The following DNAJC13 variants were observed in gnomAD, a reference collection of about 807,000 sequenced individuals.
The protein encoded by DNAJC13 is DnaJ heat shock protein family (Hsp40) member C13, also known as dnaJ homolog subfamily C member 13.
Under a neutral mutation model 290.5 loss-of-function variants are expected in DNAJC13, and 75 were observed. The observed-to-expected ratio is 0.26, with a 90% CI of 0.21 to 0.31. DNAJC13 has a LOEUF of 0.31. Among genes scored for constraint, DNAJC13 ranks in the 10% least tolerant of loss-of-function variants. DNAJC13 has a pLI of 1.00. For missense variants in DNAJC13, 2,260 were observed against 2,674.5 expected, an observed-to-expected ratio of 0.85 and a Z score of 3.42; for synonymous variants, 862 against 892.0, an observed-to-expected ratio of 0.97 and a Z score of 0.60.
At chr3:132,448,465 G>GCCTTTCCAGC (rs1293143151) in intron 5 of DNAJC13, among the ~76,000 whole-genome samples, 2 of 152,076 alleles carry the variant, frequency 1.3e-5, no homozygotes, top group Non-Finnish European at 2.9e-5. Context: ...ACTTTCCCAG[G>GCCTTTCCAGC]CCTTTTCCAG....
At chr3:132,436,033 T>G (rs776469177) in intron 2 of DNAJC13, among the ~76,000 whole-genome samples, 1 of 152,208 alleles carries the variant, frequency 6.6e-6, no homozygotes, top group African/African-American at 2.4e-5. Flanking sequence ...GTTTTGTTTT[T>G]ATAACAGCTT....
intron 9 of DNAJC13, among the ~76,000 whole-genome samples, chr3:132,454,526 G>T (rs1933528005): frequency 6.6e-6 from 1 of 151,664 alleles, no homozygotes; most frequent in South Asian, 2.1e-4. Flanking sequence ...TTTTAGTAGA[G>T]ATGGGGTTTC....
At chr3:132,444,373 C>A (rs1359330796) in intron 2 of DNAJC13, among the ~76,000 whole-genome samples, 1 of 152,150 alleles carries the variant, frequency 6.6e-6, no homozygotes, top group African/African-American at 2.4e-5. Context: ...ATATTGTCAT[C>A]TCAAAGTTCT....
intron 5 of DNAJC13, 71 bp downstream of exon 5, chr3:132,448,010 T>A (rs866692930): frequency 7.1e-5 from 78 of 1,092,280 alleles, no homozygotes; most frequent in Admixed American, 5.1e-4. Context: ...AATCATTTCA[T>A]AATCTGTGTG....
intron 1 of DNAJC13, among the ~76,000 whole-genome samples, chr3:132,430,632 A>G (rs1939215863): frequency 6.6e-6 from 1 of 152,180 alleles, no homozygotes; most frequent in South Asian, 2.1e-4. Context: ...ATTCTTCAGT[A>G]TCAGCCATTC....
In DNAJC13 at chr3:132,528,343, A is replaced by C. The variant is rs374045137; in HGVS notation, c.6525+11A>C. ...CAGTATGGAGAACAGGTGAGTCTGC[A>C]TAGAGTCAACTTTTGATATTCTAAA... On this transcript the variant is annotated intron_variant, in intron 54 of 55. Coordinates refer to ENST00000260818, the MANE Select transcript of DNAJC13 (RefSeq NM_015268.4). 70 of 1,613,574 alleles carry C rather than the reference A, an allele frequency of 4.3e-5. No individual in the cohort carries two copies. Among genetic ancestry groups the C allele is most frequent in the Non-Finnish European group, 5.7e-5 (67 of 1,179,754 alleles).
At chr3:132,449,022 C>T (rs1933340937) in intron 5 of DNAJC13, among the ~76,000 whole-genome samples, 4 of 152,078 alleles carry the variant, frequency 2.6e-5, no homozygotes, top group Admixed American at 2.0e-4. Context: ...TTAACTTCAG[C>T]CATTTAATAC....
Position 132,483,501 on chromosome 3 carries a change from G to A in DNAJC13, c.3106G>A (p.Ala1036Thr), listed in dbSNP as rs1934750338. The A allele has an allele frequency of 6.2e-7, 1 of 1,614,012 alleles. No individual in the cohort carries two copies. The stretch of plus-strand genomic sequence containing the variant: ...GTGGTGTCTCTTAGCCAGTGGACAG[G>A]CTGTCCTGAATGAAACTGACCTTGC... Reference protein sequence around the residue: ...LKWCLLASGQAVLNETDLATL... With the variant: ...LKWCLLASGQTVLNETDLATL... The change falls in exon 28 of 56, where the codon GCT (alanine) becomes ACT (threonine). Residue 1036 changes from alanine to threonine, a missense_variant. Coordinates refer to ENST00000260818, the MANE Select transcript of DNAJC13 (RefSeq NM_015268.4).
chr3:132,477,828 G>A lies in DNAJC13; in HGVS notation c.2485G>A (p.Asp829Asn), dbSNP rs540755282. 5 of 1,613,044 alleles carry A rather than the reference G, an allele frequency of 3.1e-6. No individual in the cohort carries two copies. The South Asian group carries it at 4.4e-5, about 14-fold the overall frequency. Residue 829 changes from aspartate (D) to asparagine (N), a missense_variant, in exon 23 of 56, where the codon GAC becomes AAC. Transcript: ENST00000260818. ...CCTGGCAGAGGAAATTAAAATAGGA[G>A]ACTATTACCTGAGATTACTATTGGA... ...ECLAEEIKIG[D>N]YYLRLLLEED...
chr3:132,480,091 G>A (rs1354168407), intron 25 of DNAJC13, among the ~76,000 whole-genome samples: 1 of 152,080 alleles, frequency 6.6e-6, no homozygotes, highest in Non-Finnish European at 1.5e-5. Context: ...AAAACCAGAG[G>A]TTGTTTTTTC....
intron 42 of DNAJC13, among the ~76,000 whole-genome samples, chr3:132,505,790 A>G (rs572551278): frequency 9.7e-4 from 146 of 150,678 alleles, no homozygotes; most frequent in African/African-American, 3.4e-3. Flanking sequence ...CTGAGCCGTG[A>G]AAAAAAAACA....
intron 36 of DNAJC13, among the ~76,000 whole-genome samples, chr3:132,498,803 C>T (rs1935317797): frequency 1.3e-5 from 2 of 152,034 alleles, no homozygotes; most frequent in Non-Finnish European, 2.9e-5. Context: ...GCAAGCTCCA[C>T]CTCCCGGGTT....
At chr3:132,500,237 G>A (rs1935367627) in intron 38 of DNAJC13, among the ~76,000 whole-genome samples, 1 of 152,166 alleles carries the variant, frequency 6.6e-6, no homozygotes, top group Non-Finnish European at 1.5e-5. Context: ...TTCATTAAGA[G>A]CTTTGTAGAG....
At chr3:132,428,103 C>T (rs1190292459) in intron 1 of DNAJC13, among the ~76,000 whole-genome samples, 2 of 152,172 alleles carry the variant, frequency 1.3e-5, no homozygotes, top group Non-Finnish European at 2.9e-5. Context: ...TGAATGATTC[C>T]TGACTACTGT....
intron 17 of DNAJC13, 87 bp from the exon 18 acceptor site, chr3:132,465,908 A>G: frequency 1.3e-6 from 1 of 778,020 alleles, no homozygotes; most frequent in Non-Finnish European, 2.1e-6. Flanking sequence ...TATTTTTTAT[A>G]ATTATGTGAT....
rs554668382 is a variant in DNAJC13 at position 132,457,757 on chromosome 3, C to T, written c.1449+389C>T. The T allele has an allele frequency of 1.6e-3, 250 of 157,350 alleles. 1 individual carries two copies. In the Middle Eastern group the frequency reaches 0.016, roughly 10 times the overall value. The allele number at this position is 157,350 out of a possible 1,614,324, so 9.7% of individuals were successfully genotyped here. ...TACATTTGATCTGAATCTTGAAGGA[C>T]AGGCAGGAATTTTCTAGCTCTGGAA... is the stretch of plus-strand genomic sequence containing the variant. On this transcript the variant is annotated intron_variant, in intron 13 of 55. Coordinates refer to ENST00000260818, the MANE Select transcript of DNAJC13 (RefSeq NM_015268.4).
At chr3:132,532,628 T>G (rs188763418) in intron 55 of DNAJC13, among the ~76,000 whole-genome samples, 100 of 152,344 alleles carry the variant, frequency 6.6e-4, no homozygotes, top group African/African-American at 2.2e-3. Flanking sequence ...ATAAAAACTT[T>G]ACCTCTTTAG....
intron 2 of DNAJC13, among the ~76,000 whole-genome samples, chr3:132,440,147 C>T (rs1933008756): frequency 6.6e-6 from 1 of 152,184 alleles, no homozygotes; most frequent in African/African-American, 2.4e-5. Context: ...GTTCCAGCTA[C>T]TCAGGAGGCT....
In DNAJC13 at chr3:132,493,829, C is replaced by T. The variant is rs571109654; in HGVS notation, c.3826-315C>T. ...AAACTTTTAGGTTTTATCTTTCACC[C>T]GTAAAGATAACATGTAAAAAAAAAT... On this transcript the variant is annotated intron_variant, in intron 33 of 55. Transcript: ENST00000260818. Among the ~76,000 whole-genome samples the T allele has an allele frequency of 8.6e-4, 130 of 151,972 alleles. 1 individual carries two copies. In the Middle Eastern group the frequency reaches 0.01, roughly 12 times the overall value.
Sources: allele counts gnomAD v4.1 joint callset (sites outside exome capture counted in the v4.1 genomes callset), GRCh38; gene constraint gnomAD v4.1.1; transcripts MANE v1.5; gene names NCBI Gene and HGNC (gene_info 2026-07-23, HGNC 2026-07-21).